OCIAD2: variants seen among roughly 807,000 people sequenced by gnomAD.
OCIAD2 encodes the protein OCIA domain containing 2.
Under a neutral mutation model 22.9 loss-of-function variants are expected in OCIAD2, and 29 were observed. The observed-to-expected ratio is 1.27, with a 90% CI of 0.94 to 1.73. The LOEUF is 1.73. OCIAD2 is among the 40% of genes most tolerant of loss of function. The pLI is 0.00. For missense variants in OCIAD2, 189 were observed against 180.3 expected (o/e 1.05, Z -0.28); for synonymous variants, 67 against 60.2 (o/e 1.11, Z -0.52).
chr4:48,890,728 A>G (rs1389594470), intron 6 of OCIAD2, among the ~76,000 whole-genome samples: 1 of 152,186 alleles, frequency 6.6e-6, no homozygotes, highest in East Asian at 1.9e-4. Context: ...ATTTACTGCT[A>G]TGAGGAGTTG....
chr4:48,893,422 G>T (rs2109672857), intron 5 of OCIAD2: 1 of 152,366 alleles, frequency 6.6e-6, no homozygotes, highest in South Asian at 2.1e-4. Context: ...GTACATAAAA[G>T]ATCTATTGAT....
At position 48,885,498 on chromosome 4, in the gene OCIAD2, G is replaced by C. The variant is rs1348069274; in HGVS notation, c.451C>G (p.Pro151Ala). 6.2e-7 allele frequency: 1 copy of C among 1,600,818 alleles called. No homozygotes were observed. Among genetic ancestry groups the C allele is most frequent in the Non-Finnish European group, 8.6e-7 (1 of 1,168,014 alleles). ...HGLSEKGDSQ[P>A]SAS ...AGACACAGAATTTAGGAAGCTGAAG[G>C]CTGAGAGTCTCCCTTCTCACTTAAT... Residue 151 changes from proline (P) to alanine (A), a missense_variant, in exon 7 of 7, where the codon CCT becomes GCT. Transcript: ENST00000508632.
intron 2 of OCIAD2, 136 bp downstream of exon 2, chr4:48,904,348 G>C (rs1781481838): frequency 3.8e-6 from 3 of 791,370 alleles, no homozygotes; most frequent in Non-Finnish European, 6.5e-6. Context: ...TAAGTGAGAA[G>C]CTCAAGTAGG....
intron 5 of OCIAD2, 29 bp downstream of exon 5, chr4:48,893,975 CTT>C: frequency 6.9e-7 from 1 of 1,456,330 alleles, no homozygotes. Flanking sequence ...AGCCACCACA[CTT>C]GGCTTGCTTT....
Position 48,892,868 on chromosome 4 carries a change from C to A in OCIAD2, c.287G>T (p.Gly96Val). Residue 96 changes from glycine (G) to valine (V), a missense_variant, in exon 6 of 7, where the codon GGC becomes GTC. Gly to Val is a moderately radical substitution (Grantham distance 109, BLOSUM62 -3). Transcript: ENST00000508632. ...TCCTATGTATGATACCTTTCCAAGGCCAAATCCCAAGAGACCAGCAACTGT... is the reference window on the plus strand; with the variant it reads ...TCCTATGTATGATACCTTTCCAAGGACAAATCCCAAGAGACCAGCAACTGT... ...KVALAGLLGF[G>V]LGKVSYIGVC... 6.2e-7 allele frequency: 1 copy of A among 1,604,190 alleles called. No homozygotes were observed. The highest frequency in any genetic ancestry group is 1.1e-5 in the South Asian group (1 of 89,444).
chr4:48,904,647 T>A, intron 1 of OCIAD2, 36 bp from the exon 2 acceptor site: 1 of 1,090,244 alleles, frequency 9.2e-7, no homozygotes, highest in Non-Finnish European at 1.4e-6. Context: ...ATGCCATGAC[T>A]AAATGTTTGC....
intron 4 of OCIAD2, among the ~76,000 whole-genome samples, chr4:48,896,043 A>G (rs899657633): frequency 5.3e-4 from 80 of 152,144 alleles, no homozygotes; most frequent in African/African-American, 1.9e-3. Context: ...AAAACAAACA[A>G]ATAGACAAAC....
intron 4 of OCIAD2, among the ~76,000 whole-genome samples, chr4:48,895,768 C>T (rs1033277365): frequency 2.0e-5 from 3 of 152,106 alleles, no homozygotes; most frequent in African/African-American, 7.2e-5. Context: ...AATCTCAGCA[C>T]TTTGGGAGGC....
chr4:48,886,590 G>A (rs1050314815), intron 6 of OCIAD2, among the ~76,000 whole-genome samples: 2 of 150,688 alleles, frequency 1.3e-5, no homozygotes, highest in Admixed American at 1.3e-4. Context: ...AACATGCGGT[G>A]TTTGGTTTCT....
intron 4 of OCIAD2, 40 bp from the exon 5 acceptor site, chr4:48,894,093 T>TG: frequency 2.0e-6 from 2 of 1,013,766 alleles, no homozygotes; most frequent in Non-Finnish European, 2.8e-6. Context: ...TTTCATTTCA[T>TG]AAATTAAATT....
chr4:48,887,170 C>T (rs998974225), intron 6 of OCIAD2, among the ~76,000 whole-genome samples: 3 of 152,082 alleles, frequency 2.0e-5, no homozygotes, highest in African/African-American at 7.2e-5. Flanking sequence ...TATCCTTTGC[C>T]CACTTGTTGA....
chr4:48,895,383 C>A (rs184387604), intron 4 of OCIAD2, among the ~76,000 whole-genome samples: 1 of 152,248 alleles, frequency 6.6e-6, no homozygotes, highest in Admixed American at 6.5e-5. Context: ...GAATACCATA[C>A]GCTGGATAAT....
chr4:48,888,633 T>G (rs1781066855), intron 6 of OCIAD2, among the ~76,000 whole-genome samples: 1 of 152,206 alleles, frequency 6.6e-6, no homozygotes, highest in Non-Finnish European at 1.5e-5. Flanking sequence ...TATGGTAGAT[T>G]ATGTTTATTG....
chr4:48,904,665 T>C, intron 1 of OCIAD2, 54 bp from the exon 2 acceptor site: 2 of 959,676 alleles, frequency 2.1e-6, no homozygotes, highest in Non-Finnish European at 3.3e-6. Context: ...TGCATCAAGC[T>C]TAAAAGCATC....
chr4:48,902,803 A>G (rs375276981), intron 2 of OCIAD2, among the ~76,000 whole-genome samples: 1 of 152,042 alleles, frequency 6.6e-6, no homozygotes, highest in Admixed American at 6.6e-5. Flanking sequence ...AAATGCAACA[A>G]TTAGTCAGGC....
chr4:48,886,334 G>C (rs1392102922), intron 6 of OCIAD2, among the ~76,000 whole-genome samples: 1 of 151,876 alleles, frequency 6.6e-6, no homozygotes, highest in Non-Finnish European at 1.5e-5. Context: ...CTGTAGCCTT[G>C]TAGTATAGTT....
In OCIAD2 at chr4:48,885,509, C is replaced by G; in HGVS notation, c.440G>C (p.Gly147Ala). The change falls in exon 7 of 7, where the codon GGA becomes GCA. Residue 147 changes from glycine (G) to alanine (A), a missense_variant. Coordinates refer to ENST00000508632, the MANE Select transcript of OCIAD2 (RefSeq NM_001014446.3). ...TTAGGAAGCTGAAGGCTGAGAGTCT[C>G]CCTTCTCACTTAATCCATGCTTTAT... Reference protein sequence around the residue: ...CKIKHGLSEKGDSQPSAS With the variant: ...CKIKHGLSEKADSQPSAS 1 of 1,608,948 alleles carries G rather than the reference C, an allele frequency of 6.2e-7. No individual in the cohort carries two copies. The highest frequency in any genetic ancestry group is 8.5e-7 in the Non-Finnish European group (1 of 1,175,256).
chr4:48,892,871 A>G lies in OCIAD2; in HGVS notation c.284T>C (p.Phe95Ser), dbSNP rs1406836481. The change falls in exon 6 of 7, where the codon TTT becomes TCT. Residue 95 changes from phenylalanine to serine, a missense_variant. By Grantham distance (155) the Phe-to-Ser change is radical. Transcript: ENST00000508632. ...TATGTATGATACCTTTCCAAGGCCA[A>G]ATCCCAAGAGACCAGCAACTGTAAA... Reference protein sequence around the residue: ...PKVALAGLLGFGLGKVSYIGV... With the variant: ...PKVALAGLLGSGLGKVSYIGV... 6.9e-6 allele frequency: 11 copies of G among 1,601,616 alleles called. No individual in the cohort carries two copies. Among genetic ancestry groups the G allele is most frequent in the Non-Finnish European group, 9.4e-6 (11 of 1,172,126 alleles).
intron 4 of OCIAD2, among the ~76,000 whole-genome samples, chr4:48,894,811 A>C (rs1039787196): frequency 6.6e-6 from 1 of 152,180 alleles, no homozygotes; most frequent in Admixed American, 6.5e-5. Flanking sequence ...TTTACAATGC[A>C]AACAGTACAA....
Sources: gnomAD v4.1 joint callset for allele counts (sites outside exome capture counted in the v4.1 genomes callset) on GRCh38, gnomAD v4.1.1 for gene constraint, MANE v1.5 for transcripts, NCBI Gene and HGNC (gene_info 2026-07-23, HGNC 2026-07-21) for gene names.